The following NTNG2 variants were observed in gnomAD, a reference collection of about 807,000 sequenced individuals.
NTNG2 encodes the protein netrin G2.
A neutral mutation model predicts 47.6 loss-of-function variants in NTNG2; 15 were observed. The observed-to-expected ratio is 0.32, with a 90% confidence interval of 0.21 to 0.49. The LOEUF is 0.49. Among genes scored for constraint, NTNG2 ranks in the 20% least tolerant of loss-of-function variants. NTNG2 has a pLI of 0.99. For missense variants in NTNG2, 578 were observed against 764.6 expected, an observed-to-expected ratio of 0.76 and a Z score of 2.88; for synonymous variants, 307 against 324.6, an observed-to-expected ratio of 0.95 and a Z score of 0.58.
At chr9:132,241,236 G>T (rs936516388) in intron 7 of NTNG2, among the ~76,000 whole-genome samples, 192 bp downstream of exon 7, 8 of 151,588 alleles carry the variant, frequency 5.3e-5, no homozygotes, top group Admixed American at 3.9e-4. Flanking sequence ...GCGAGACGGG[G>T]CAGGGCCGGG....
Position 132,169,336 on chromosome 9 carries a change from C to G in NTNG2, c.213+2292C>G, listed in dbSNP as rs943110215. ...GTGGCAGGTGGACGGCAGCCTTTTG[C>G]AGGGCTGGCTTTTGGAGGGCTGGCT... On this transcript the variant is annotated intron_variant, in intron 2 of 7. Transcript: ENST00000393229. Among the ~76,000 whole-genome samples the G allele has an allele frequency of 5.9e-5, 9 of 152,326 alleles. No individual in the cohort carries two copies. In the East Asian group the frequency reaches 1.7e-3, roughly 29 times the overall value.
chr9:132,241,767 C>G, intron 7 of NTNG2, 109 bp from the exon 8 acceptor site: 1 of 793,434 alleles, frequency 1.3e-6, no homozygotes, highest in Admixed American at 3.2e-5. Context: ...TCCTACATCC[C>G]CGGCCCAGAC....
chr9:132,176,827 G>A (rs940201138), intron 2 of NTNG2, among the ~76,000 whole-genome samples: 1 of 152,196 alleles, frequency 6.6e-6, no homozygotes, highest in Non-Finnish European at 1.5e-5. Flanking sequence ...GAGAATGCCA[G>A]TTTCTCCGAA....
intron 2 of NTNG2, among the ~76,000 whole-genome samples, chr9:132,171,559 C>T (rs960048245): frequency 6.6e-6 from 1 of 152,198 alleles, no homozygotes; most frequent in Non-Finnish European, 1.5e-5. Flanking sequence ...TGTGAACGTG[C>T]ATCTTTGAAC....
At chr9:132,191,599 T>C (rs982738224) in intron 2 of NTNG2, among the ~76,000 whole-genome samples, 1 of 152,126 alleles carries the variant, frequency 6.6e-6, no homozygotes, top group African/African-American at 2.4e-5. Context: ...AGTCTTGCTC[T>C]GTCGCCCAGG....
intron 3 of NTNG2, among the ~76,000 whole-genome samples, chr9:132,205,516 T>G (rs1839102612): frequency 6.6e-6 from 1 of 152,170 alleles, no homozygotes; most frequent in South Asian, 2.1e-4. Context: ...GATTTAAAGT[T>G]CTGGAGAGGG....
chr9:132,173,891 T>G (rs1194205848), intron 2 of NTNG2, among the ~76,000 whole-genome samples: 1 of 121,580 alleles, frequency 8.2e-6, no homozygotes, highest in Non-Finnish European at 1.7e-5. Flanking sequence ...CGCACCATGC[T>G]GCGGATGAGA....
chr9:132,174,184 C>T (rs1181425160), intron 2 of NTNG2, among the ~76,000 whole-genome samples: 3 of 117,806 alleles, frequency 2.5e-5, no homozygotes, highest in Non-Finnish European at 5.0e-5. Context: ...ACAGGCAGGT[C>T]GAACCATGCT....
intron 2 of NTNG2, among the ~76,000 whole-genome samples, chr9:132,194,129 T>C (rs1175170828): frequency 1.3e-5 from 2 of 152,130 alleles, no homozygotes; most frequent in African/African-American, 4.8e-5. Context: ...GGGGACACCA[T>C]TCAGCCCCTA....
At chr9:132,187,241 G>T (rs1036705991) in intron 2 of NTNG2, among the ~76,000 whole-genome samples, 1 of 152,252 alleles carries the variant, frequency 6.6e-6, no homozygotes, top group African/African-American at 2.4e-5. Flanking sequence ...GGCAGCGCTT[G>T]GAGGCTCGCT....
chr9:132,211,543 G>C (rs1455554783), intron 3 of NTNG2, among the ~76,000 whole-genome samples: 1 of 152,116 alleles, frequency 6.6e-6, no homozygotes, highest in African/African-American at 2.4e-5. Flanking sequence ...AGACTCCCAA[G>C]ATCAGCCACC....
rs10117408 is a variant in NTNG2, at chr9:132,180,497, T to C, written c.213+13453T>C. Among the ~76,000 whole-genome samples the C allele has an allele frequency of 0.42, 64,598 of 152,194 alleles. 13,976 individuals are homozygous for C. Among genetic ancestry groups the C allele is most frequent in the Middle Eastern group, 0.48 (140 of 294 alleles). On this transcript the variant is annotated intron_variant, in intron 2 of 7. Transcript: ENST00000393229. This position sits in a 1 kb window ranked among gnomAD's most constrained non-coding sequence, Gnocchi z 4.2. ...CATCCAAAACCTTTGCCCACAGTTC[T>C]GGGGCTGGCACCGTCCTGGGGCTCA...
chr9:132,233,519 C>T (rs1170997138), intron 5 of NTNG2: 1 of 152,220 alleles, frequency 6.6e-6, no homozygotes, highest in African/African-American at 2.4e-5. Context: ...GGCACACCCT[C>T]CCTCTCGGCA....
chr9:132,243,199 G>C lies in NTNG2; in HGVS notation c.*1088G>C, dbSNP rs1361246737. On this transcript the variant is annotated 3_prime_UTR_variant, in exon 8 of 8. Coordinates refer to ENST00000393229, the MANE Select transcript of NTNG2 (RefSeq NM_032536.4). ...AATGCTCTGATTTATACTGTGTCTC[G>C]GTGGCCACCTCCGATGGATGTGTCA... The C allele has an allele frequency of 1.3e-5, 2 of 152,324 alleles. No individual in the cohort carries two copies. The highest frequency in any genetic ancestry group is 1.9e-4 in the East Asian group (1 of 5,188). 9.4% of individuals were successfully genotyped at this position (152,324 alleles called of 1,614,324 possible).
intron 3 of NTNG2, among the ~76,000 whole-genome samples, chr9:132,210,961 C>A (rs1199730752): frequency 3.9e-5 from 6 of 152,220 alleles, no homozygotes; most frequent in Non-Finnish European, 1.5e-5. Context: ...CATAAACACA[C>A]ACCTGCCCCA....
Position 132,227,509 on chromosome 9 carries a change from C to A in NTNG2, c.1030+488C>A, listed in dbSNP as rs1393107815. On this transcript the variant is annotated intron_variant, in intron 4 of 7. Transcript: ENST00000393229. The stretch of plus-strand genomic sequence containing the variant: ...CAGGTGAGGGGATCAGTAGCATCAT[C>A]CCTGATCATAAGCATCTCTGGGGTG... Among the ~76,000 whole-genome samples the A allele has an allele frequency of 2.0e-5, 3 of 152,188 alleles. No homozygotes were observed. In the East Asian group the frequency reaches 5.8e-4, roughly 29 times the overall value.
At chr9:132,234,640 C>T (rs966023300) in intron 5 of NTNG2, among the ~76,000 whole-genome samples, 1 of 152,228 alleles carries the variant, frequency 6.6e-6, no homozygotes, top group Non-Finnish European at 1.5e-5. Context: ...TGGAGGACAG[C>T]GCTGCGGGCG....
rs1404691106 is a variant in NTNG2 at position 132,227,001 on chromosome 9, C to T, written c.1010C>T (p.Pro337Leu). Residue 337 changes from proline (P) to leucine (L), a missense_variant, in exon 4 of 8, where the codon CCC becomes CTC. By Grantham distance (98) the Pro-to-Leu change is moderately conservative. Transcript: ENST00000393229. ...SWRAGSYLPL[P>L]HGSPNACATA... ...CGGGCCGGCTCCTACCTGCCGCTGC[C>T]CCATGGCTCTCCCAACGCCTGTACG... 1.2e-6 allele frequency: 2 copies of T among 1,608,220 alleles called. No individual in the cohort carries two copies. Among genetic ancestry groups the T allele is most frequent in the Non-Finnish European group, 1.7e-6 (2 of 1,178,836 alleles).
At chr9:132,187,375 C>T (rs1837472721) in intron 2 of NTNG2, among the ~76,000 whole-genome samples, 1 of 152,202 alleles carries the variant, frequency 6.6e-6, no homozygotes, top group Admixed American at 6.5e-5. Context: ...TTGGTTTACG[C>T]TGATTCACGA....
Sources: gnomAD v4.1 joint callset for allele counts (sites outside exome capture counted in the v4.1 genomes callset) on GRCh38, gnomAD v4.1.1 for gene constraint, Gnocchi (gnomAD v3.1) non-coding constraint, MANE v1.5 for transcripts, NCBI Gene and HGNC (gene_info 2026-07-23, HGNC 2026-07-21) for gene names.